JHY: variants seen among roughly 807,000 people sequenced by gnomAD.
The protein encoded by JHY is jhy protein homolog.
A neutral mutation model predicts 78.0 loss-of-function variants in JHY; 69 were observed. The ratio of observed to expected loss-of-function variants is 0.88; its 90% CI spans 0.73 to 1.08. JHY has a LOEUF of 1.08. Ranked by LOEUF, JHY falls within the 50% of genes least tolerant of loss-of-function variation. The pLI is 0.00. For synonymous variants in JHY, 368 were observed against 342.6 expected (o/e 1.07, Z -0.82); for missense variants, 944 against 927.8 (o/e 1.02, Z -0.23).
In JHY at chr11:122,885,897, C is replaced by T; in HGVS notation, c.48C>T (p.Val16=). The change falls in exon 2 of 9, where the codon GTC becomes GTT. Residue 16 remains valine, a synonymous_variant. Transcript: ENST00000227349. ...CCAAGCTCTCTATTCAATCTCCTGT[C>T]CTTCATACCAACTTAAATGTCCAGT... ...LIPKLSIQSP[V]LHTNLNVQST... is the part of the protein sequence containing the mutation. 6.2e-7 allele frequency: 1 copy of T among 1,614,050 alleles called. No individual in the cohort carries two copies. The highest frequency in any genetic ancestry group is 2.2e-5 in the East Asian group (1 of 44,878).
chr11:122,923,222 A>T (rs1207782812), intron 3 of JHY, among the ~76,000 whole-genome samples: 1 of 152,238 alleles, frequency 6.6e-6, no homozygotes, highest in Non-Finnish European at 1.5e-5. Context: ...GAAAATACAG[A>T]GACATATATC....
intron 3 of JHY, among the ~76,000 whole-genome samples, chr11:122,919,126 C>T (rs577706452): frequency 2.0e-5 from 3 of 151,526 alleles, no homozygotes; most frequent in African/African-American, 7.3e-5. Flanking sequence ...GCTCAGGTGG[C>T]GGATCACTTG....
At position 122,961,057 on chromosome 11, in the gene JHY, C is replaced by A; in HGVS notation, c.*1612C>A. ...TGCATTTGGGACCTAAAGCTGTTGG[C>A]AAAGAAGACTCATGCACAGCCAGTT... On this transcript the variant is annotated 3_prime_UTR_variant, in exon 9 of 9. Coordinates refer to ENST00000227349, the MANE Select transcript of JHY (RefSeq NM_024806.4). 1 of 1,071,438 alleles carries A rather than the reference C, an allele frequency of 9.3e-7. No individual in the cohort carries two copies. Among genetic ancestry groups the A allele is most frequent in the South Asian group, 1.2e-5 (1 of 80,012 alleles). 66.4% of individuals were successfully genotyped at this position (1,071,438 alleles called of 1,614,324 possible). A position where few individuals can be genotyped will look rare whatever the true frequency, so the allele number is the denominator to read the frequency against.
intron 3 of JHY, 98 bp downstream of exon 3, chr11:122,904,542 T>C: frequency 7.4e-7 from 1 of 1,349,746 alleles, no homozygotes; most frequent in Non-Finnish European, 1.0e-6. Context: ...GATGACGATG[T>C]CATAGCAGCC....
At chr11:122,910,043 G>A (rs1290630643) in intron 3 of JHY, among the ~76,000 whole-genome samples, 12 of 151,994 alleles carry the variant, frequency 7.9e-5, no homozygotes, top group Admixed American at 7.9e-4. Flanking sequence ...CATTTGGGGA[G>A]TAAATAAGTT....
intron 3 of JHY, among the ~76,000 whole-genome samples, chr11:122,915,891 G>A (rs950080155): frequency 6.6e-6 from 1 of 152,186 alleles, no homozygotes; most frequent in African/African-American, 2.4e-5. Context: ...ATGGCATGAA[G>A]TCGTGAAAGA....
In JHY at chr11:122,904,913, T is replaced by C. The variant is rs3824970; in HGVS notation, c.864+469T>C. Among the ~76,000 whole-genome samples, 50 of 152,326 alleles carry C rather than the reference T, an allele frequency of 3.3e-4. 1 individual carries two copies. In the East Asian group the frequency reaches 9.4e-3, roughly 29 times the overall value. ...CCCTGTTAAATGCCCCAGCACATTG[T>C]GGGTGACATGGAACATGCCCCAGCT... On this transcript the variant is annotated intron_variant, in intron 3 of 8. Coordinates refer to ENST00000227349, the MANE Select transcript of JHY (RefSeq NM_024806.4).
At position 122,920,313 on chromosome 11, in the gene JHY, T is replaced by G. The variant is rs893365729; in HGVS notation, c.865-4584T>G. 6.6e-5 allele frequency among the ~76,000 whole-genome samples: 10 copies of G among 152,334 alleles called. No homozygotes were observed. In the East Asian group the frequency reaches 1.9e-3, roughly 29 times the overall value. ...ATACTACTTAAAAAATCAACTCTAT[T>G]TAATTTGGATATGTGCTAGTTGTCA... On this transcript the variant is annotated intron_variant, in intron 3 of 8. Coordinates refer to ENST00000227349, the MANE Select transcript of JHY (RefSeq NM_024806.4).
At chr11:122,958,965 A>AAC (rs1201712597) in intron 8 of JHY, 1 of 985,298 alleles carries the variant, frequency 1.0e-6, no homozygotes, top group Non-Finnish European at 1.2e-6. Context: ...CATAAGAAGG[A>AAC]ACACTTGAAG....
chr11:122,904,465 A>G, intron 3 of JHY, 21 bp downstream of exon 3: 1 of 1,583,754 alleles, frequency 6.3e-7, no homozygotes, highest in South Asian at 1.1e-5. Flanking sequence ...GCTACTTTAA[A>G]ATGTCTTCTG....
intron 3 of JHY, among the ~76,000 whole-genome samples, chr11:122,918,887 G>C (rs534603441): frequency 6.8e-6 from 1 of 146,504 alleles, no homozygotes; most frequent in Non-Finnish European, 1.5e-5. Context: ...AGTCCAGAAG[G>C]GGGGAAGAAA....
chr11:122,960,410 G>T lies in JHY; in HGVS notation c.*965G>T. The T allele has an allele frequency of 4.5e-6, 1 of 220,912 alleles. No homozygotes were observed. Among genetic ancestry groups the T allele is most frequent in the East Asian group, 1.1e-4 (1 of 9,230 alleles). 13.7% of individuals were successfully genotyped at this position (220,912 alleles called of 1,614,324 possible). On this transcript the variant is annotated 3_prime_UTR_variant, in exon 9 of 9. Transcript: ENST00000227349. ...CAGTTTTCTTAGGTCCAGGGGTATT[G>T]CAGGCAACAAGGACCTTTCACACAG...
chr11:122,897,248 AG>A (rs1290904749), intron 2 of JHY, among the ~76,000 whole-genome samples: 1 of 152,084 alleles, frequency 6.6e-6, no homozygotes, highest in East Asian at 1.9e-4. Context: ...TTATTGAGAT[AG>A]GGTGTCGCTG....
At chr11:122,920,116 C>T (rs1448456631) in intron 3 of JHY, among the ~76,000 whole-genome samples, 2 of 152,150 alleles carry the variant, frequency 1.3e-5, no homozygotes, top group Non-Finnish European at 2.9e-5. Flanking sequence ...AGCAGCAGTG[C>T]TGGCGTGAGC....
In JHY at chr11:122,882,801, C is replaced by T. The variant is rs1013904461; in HGVS notation, c.-261C>T. Reference sequence around the variant, plus strand: ...CCGTGCCAGGGCCGGGGGTGCGGTTCGGGACGCGGGATCCTAGGTCGGGTC... The same window carrying T: ...CCGTGCCAGGGCCGGGGGTGCGGTTTGGGACGCGGGATCCTAGGTCGGGTC... On this transcript the variant is annotated 5_prime_UTR_variant, in exon 1 of 9. Transcript: ENST00000227349. 1.3e-5 allele frequency: 2 copies of T among 153,022 alleles called. No homozygotes were observed. The highest frequency in any genetic ancestry group is 4.8e-5 in the African/African-American group (2 of 41,432). 9.5% of individuals were successfully genotyped at this position (153,022 alleles called of 1,614,324 possible). A position where few individuals can be genotyped will look rare whatever the true frequency, so the allele number is the denominator to read the frequency against.
rs771484308 is a variant in JHY, at chr11:122,946,485, T to A, written c.1635-13T>A. 3 of 1,555,942 alleles carry A rather than the reference T, an allele frequency of 1.9e-6. No individual in the cohort carries two copies. The highest frequency in any genetic ancestry group is 4.3e-5 in the Admixed American group (2 of 46,142). ...TTTATTAATAGATTTGTGCCTTTTT[T>A]TTTTTCATTAAGGAAATTCCATTCT... On this transcript the variant is annotated splice_polypyrimidine_tract_variant and intron_variant, in intron 5 of 8. Transcript: ENST00000227349.
chr11:122,947,522 C>T (rs1361584512), intron 6 of JHY: 1 of 152,150 alleles, frequency 6.6e-6, no homozygotes, highest in South Asian at 2.1e-4. Context: ...TTTTTATGTC[C>T]TGTGTATTTC....
Position 122,956,167 on chromosome 11 carries a change from A to AT in JHY, c.1930-329_1930-328insT, listed in dbSNP as rs1358605960. On this transcript the variant is annotated intron_variant, in intron 6 of 8. Transcript: ENST00000227349. ...AAACCAGGTATCTCCAAAAAAAAAA[A>AT]AATAAAATAAAAAACATTCGTAAGA... 2.0e-5 allele frequency among the ~76,000 whole-genome samples: 3 copies of AT among 151,982 alleles called. No individual in the cohort carries two copies. In the East Asian group the frequency reaches 5.8e-4, roughly 29 times the overall value.
intron 3 of JHY, among the ~76,000 whole-genome samples, chr11:122,908,099 T>A (rs1326944464): frequency 6.6e-6 from 1 of 152,156 alleles, no homozygotes; most frequent in Admixed American, 6.5e-5. Flanking sequence ...TCATCTGGGT[T>A]GCACTCTAAA....
Sources: gnomAD v4.1 joint callset for allele counts (sites outside exome capture counted in the v4.1 genomes callset) on GRCh38, gnomAD v4.1.1 for gene constraint, MANE v1.5 for transcripts, NCBI Gene and HGNC (gene_info 2026-07-23, HGNC 2026-07-21) for gene names.